ROBO2: variants seen among roughly 807,000 people sequenced by gnomAD.
ROBO2 encodes roundabout homolog 2.
ROBO2 carries 53 observed loss-of-function variants against 160.8 expected under a neutral mutation model. The ratio of observed to expected loss-of-function variants is 0.33; its 90% CI spans 0.26 to 0.41. ROBO2 has a LOEUF of 0.41. Among genes scored for constraint, ROBO2 ranks in the 10% least tolerant of loss-of-function variants. The pLI is 1.00. For missense variants in ROBO2, 1,577 were observed against 1,722.4 expected (o/e 0.92, Z 1.49); for synonymous variants, 664 against 611.7 (o/e 1.09, Z -1.26).
intron 2 of ROBO2, among the ~76,000 whole-genome samples, chr3:76,933,128 A>G (rs1210892760): frequency 6.6e-6 from 1 of 152,234 alleles, no homozygotes; most frequent in Admixed American, 6.5e-5. Context: ...ATTTTGTAGT[A>G]TTAGCATAAC....
chr3:76,133,460 T>A (rs921309342), intron 2 of ROBO2, among the ~76,000 whole-genome samples: 28 of 151,960 alleles, frequency 1.8e-4, no homozygotes, highest in African/African-American at 6.8e-4. Flanking sequence ...ATAGAATAGA[T>A]GAATATATGA....
chr3:76,378,837 C>G (rs1176750371), intron 2 of ROBO2, among the ~76,000 whole-genome samples: 2 of 152,170 alleles, frequency 1.3e-5, no homozygotes, highest in African/African-American at 4.8e-5. Flanking sequence ...AATTGCTTGA[C>G]ACGTTTAGGA....
chr3:76,422,445 G>A (rs1356224098), intron 2 of ROBO2, among the ~76,000 whole-genome samples: 1 of 152,240 alleles, frequency 6.6e-6, no homozygotes, highest in East Asian at 1.9e-4. Flanking sequence ...GCCTAATGGA[G>A]GTTGCTAGAG....
intron 2 of ROBO2, among the ~76,000 whole-genome samples, chr3:77,442,541 T>G (rs1448056574): frequency 6.6e-6 from 1 of 152,160 alleles, no homozygotes; most frequent in Admixed American, 6.5e-5. Context: ...AATGTAAATG[T>G]CTAAGGATAA....
intron 1 of ROBO2, among the ~76,000 whole-genome samples, chr3:75,912,024 A>G (rs796841355): frequency 6.6e-6 from 1 of 152,338 alleles, no homozygotes; most frequent in African/African-American, 2.4e-5. Context: ...GATATCCCAC[A>G]TATTATGTCC....
chr3:77,349,302 G>T (rs2068040097), intron 2 of ROBO2, among the ~76,000 whole-genome samples: 1 of 151,888 alleles, frequency 6.6e-6, no homozygotes, highest in Non-Finnish European at 1.5e-5. Flanking sequence ...TCTTGCCCAG[G>T]GTCACAAAAC....
intron 2 of ROBO2, among the ~76,000 whole-genome samples, chr3:76,846,665 A>C (rs2068801656): frequency 6.6e-6 from 1 of 152,162 alleles, no homozygotes; most frequent in Admixed American, 6.6e-5. Flanking sequence ...CTGGCTCTTC[A>C]GAGATTAAAT....
At chr3:77,110,917 C>T (rs1265207398) in intron 2 of ROBO2, among the ~76,000 whole-genome samples, 5 of 152,050 alleles carry the variant, frequency 3.3e-5, no homozygotes, top group African/African-American at 1.2e-4. Context: ...TGGTCTCAAA[C>T]TTTTGAGCTC....
At chr3:76,167,022 G>T (rs2072864281) in intron 2 of ROBO2, among the ~76,000 whole-genome samples, 1 of 151,996 alleles carries the variant, frequency 6.6e-6, no homozygotes, top group African/African-American at 2.4e-5. Context: ...TTGGCTCACT[G>T]GTCTGCCTCC....
chr3:77,182,644 G>T (rs1481389991), intron 2 of ROBO2, among the ~76,000 whole-genome samples: 1 of 151,992 alleles, frequency 6.6e-6, no homozygotes. Flanking sequence ...GACCTAGCAG[G>T]CCTAAATGAA....
At chr3:77,483,181 T>C (rs2084909687) in intron 4 of ROBO2, among the ~76,000 whole-genome samples, 1 of 152,120 alleles carries the variant, frequency 6.6e-6, no homozygotes, top group Non-Finnish European at 1.5e-5. Flanking sequence ...AGAACTGACC[T>C]GAGGGGTTAT....
At chr3:76,966,242 T>C (rs2059288392) in intron 2 of ROBO2, among the ~76,000 whole-genome samples, 1 of 152,074 alleles carries the variant, frequency 6.6e-6, no homozygotes, top group South Asian at 2.1e-4. Flanking sequence ...ATCTGACTCA[T>C]AAAAAGGACT....
At chr3:76,916,701 T>A (rs2076336846) in intron 2 of ROBO2, among the ~76,000 whole-genome samples, 1 of 151,956 alleles carries the variant, frequency 6.6e-6, no homozygotes, top group African/African-American at 2.4e-5. Context: ...TGAATTACTG[T>A]GATTAATAAA....
At chr3:76,850,173 G>GA (rs1019004675) in intron 2 of ROBO2, among the ~76,000 whole-genome samples, 123 of 150,192 alleles carry the variant, frequency 8.2e-4, no homozygotes, top group Non-Finnish European at 1.5e-3. Context: ...CCTGGTAACA[G>GA]AAAAAAAAAG....
At chr3:77,072,252 A>G (rs2067503406) in intron 1 of ROBO2, among the ~76,000 whole-genome samples, 1 of 152,076 alleles carries the variant, frequency 6.6e-6, no homozygotes, top group Non-Finnish European at 1.5e-5. Context: ...AACAAACTCA[A>G]GACTGTCACT....
intron 2 of ROBO2, among the ~76,000 whole-genome samples, chr3:77,466,115 A>T (rs1397096602): frequency 6.6e-6 from 1 of 152,132 alleles, no homozygotes; most frequent in East Asian, 1.9e-4. Flanking sequence ...AAAGTGATAG[A>T]GCTATTTTTA....
intron 2 of ROBO2, among the ~76,000 whole-genome samples, chr3:76,055,890 C>G (rs1027718721): frequency 6.6e-6 from 1 of 152,110 alleles, no homozygotes; most frequent in Non-Finnish European, 1.5e-5. Context: ...TCCCAAGTAG[C>G]TGGGACTACA....
intron 22 of ROBO2, among the ~76,000 whole-genome samples, chr3:77,621,678 T>C (rs1268973984): frequency 6.6e-6 from 1 of 152,134 alleles, no homozygotes; most frequent in African/African-American, 2.4e-5. Context: ...AACTGGGTTA[T>C]AGTGAAAGTG....
chr3:77,106,123 G>A (rs561156935), intron 2 of ROBO2, among the ~76,000 whole-genome samples: 5 of 152,156 alleles, frequency 3.3e-5, no homozygotes, highest in Admixed American at 3.3e-4. Flanking sequence ...GTTCACTGCA[G>A]CCTCTGCCTC....
Sources: gnomAD v4.1 joint callset for allele counts (sites outside exome capture counted in the v4.1 genomes callset) on GRCh38, gnomAD v4.1.1 for gene constraint, MANE v1.5 for transcripts, NCBI Gene and HGNC (gene_info 2026-07-23, HGNC 2026-07-21) for gene names.